DLG2: variants seen among roughly 807,000 people sequenced by gnomAD.
DLG2 encodes discs large MAGUK scaffold protein 2, also known as disks large homolog 2.
In DLG2, 45 loss-of-function variants were observed where a neutral mutation model predicts 132.5. The observed-to-expected ratio is 0.34, with a 90% confidence interval of 0.27 to 0.44. The LOEUF (loss-of-function observed/expected upper bound fraction) is 0.44, where lower values mean the gene tolerates loss of function less well. Ranked by LOEUF, DLG2 falls within the 20% of genes least tolerant of loss-of-function variation. The pLI, the probability that DLG2 is intolerant of heterozygous loss-of-function variation, is 1.00. For missense variants in DLG2, 1,045 were observed against 1,196.9 expected (o/e 0.87, Z 1.87); for synonymous variants, 424 against 419.6 (o/e 1.01, Z -0.13).
intron 5 of DLG2, among the ~76,000 whole-genome samples, chr11:85,152,583 C>T (rs570676127): frequency 2.0e-5 from 3 of 152,294 alleles, no homozygotes; most frequent in African/African-American, 7.2e-5. Flanking sequence ...CCGCACCCAG[C>T]TCCACAAATT....
intron 3 of DLG2, among the ~76,000 whole-genome samples, chr11:85,342,949 CT>C (rs11314838): frequency 0.046 from 7,072 of 152,166 alleles, 214 homozygotes; most frequent in East Asian, 0.095. Context: ...ATCTAATGCA[CT>C]TTTTTTATCT....
rs1394161648 is a variant in DLG2, at chr11:84,349,718, TAGA to T, written c.520-98430_520-98428del. On this transcript the variant is annotated intron_variant, in intron 7 of 27. Transcript: ENST00000376104. The stretch of plus-strand genomic sequence containing the variant: ...TAACAAAAGGCCCTACTAATTGTTG[TAGA>T]AGAAGAAATACTTATCAACAAATAT... Among the ~76,000 whole-genome samples the T allele has an allele frequency of 3.3e-5, 5 of 152,294 alleles. No homozygotes were observed. The East Asian group carries it at 7.7e-4, about 24-fold the overall frequency.
At chr11:83,467,866 TTAAA>T (rs1386276251) in intron 25 of DLG2, among the ~76,000 whole-genome samples, 1 of 123,996 alleles carries the variant, frequency 8.1e-6, no homozygotes, top group Non-Finnish European at 1.7e-5. Flanking sequence ...TATATATAAA[TTAAA>T]TGCGGGTTAA....
At chr11:85,183,001 C>T (rs1021294075) in intron 4 of DLG2, among the ~76,000 whole-genome samples, 2 of 151,590 alleles carry the variant, frequency 1.3e-5, no homozygotes, top group African/African-American at 4.8e-5. Context: ...AGAGAAAGAA[C>T]AAGATCACAG....
intron 6 of DLG2, among the ~76,000 whole-genome samples, chr11:84,609,441 A>ATTCT (rs1243539680): frequency 1.3e-5 from 2 of 152,140 alleles, no homozygotes; most frequent in African/African-American, 2.4e-5. Context: ...AAGCACCGTA[A>ATTCT]TTCTCGCAGT....
At chr11:84,934,920 C>T (rs999270027) in intron 6 of DLG2, among the ~76,000 whole-genome samples, 1 of 152,062 alleles carries the variant, frequency 6.6e-6, no homozygotes, top group African/African-American at 2.4e-5. Context: ...TCTCTGAGCT[C>T]CAGACCCATT....
In DLG2 at chr11:84,407,326, T is replaced by C. The variant is rs542508008; in HGVS notation, c.519+127244A>G. 3.3e-5 allele frequency among the ~76,000 whole-genome samples: 5 copies of C among 152,160 alleles called. No homozygotes were observed. The East Asian group carries it at 5.8e-4, about 18-fold the overall frequency. On this transcript the variant is annotated intron_variant, in intron 7 of 27. Transcript: ENST00000376104. ...GCTAATCCCTGACAGACTTCCATGATTCTGACTTCTGAGCATTACATGCTC... is the reference window on the plus strand; with the variant it reads ...GCTAATCCCTGACAGACTTCCATGACTCTGACTTCTGAGCATTACATGCTC...
chr11:85,458,054 T>G (rs1336064360), intron 3 of DLG2, among the ~76,000 whole-genome samples: 1 of 152,244 alleles, frequency 6.6e-6, no homozygotes, highest in African/African-American at 2.4e-5. Context: ...TTTCTCTCCA[T>G]CTCTTTCAGG....
chr11:84,815,030 G>C (rs2076952538), intron 6 of DLG2, among the ~76,000 whole-genome samples: 1 of 152,074 alleles, frequency 6.6e-6, no homozygotes, highest in Non-Finnish European at 1.5e-5. Flanking sequence ...AGGAAGAGGA[G>C]CATTAGGGAA....
chr11:85,119,098 T>G (rs1160547235), intron 5 of DLG2, among the ~76,000 whole-genome samples: 1 of 151,944 alleles, frequency 6.6e-6, no homozygotes, highest in African/African-American at 2.4e-5. Context: ...GAAAATTAAA[T>G]GAGAAAAAGT....
intron 20 of DLG2, among the ~76,000 whole-genome samples, chr11:83,535,946 C>T (rs1200942067): frequency 6.6e-6 from 1 of 152,168 alleles, no homozygotes; most frequent in Non-Finnish European, 1.5e-5. Flanking sequence ...AGAGCCTGAA[C>T]ATACATTCTC....
At chr11:84,386,512 T>C (rs2098770856) in intron 7 of DLG2, among the ~76,000 whole-genome samples, 1 of 152,124 alleles carries the variant, frequency 6.6e-6, no homozygotes, top group Non-Finnish European at 1.5e-5. Context: ...CAGCTAAATA[T>C]TTACTTCTAT....
chr11:83,478,498 T>C (rs2092810097), intron 22 of DLG2, among the ~76,000 whole-genome samples: 1 of 152,098 alleles, frequency 6.6e-6, no homozygotes, highest in African/African-American at 2.4e-5. Flanking sequence ...TAAAAATAAT[T>C]ATTGATGTCA....
At chr11:84,031,990 C>A (rs1216878479) in intron 11 of DLG2, among the ~76,000 whole-genome samples, 1 of 152,058 alleles carries the variant, frequency 6.6e-6, no homozygotes, top group Non-Finnish European at 1.5e-5. Flanking sequence ...TGGGGTGCCA[C>A]AGAATATGCC....
chr11:85,451,437 C>A (rs2092239689), intron 3 of DLG2, among the ~76,000 whole-genome samples: 1 of 152,132 alleles, frequency 6.6e-6, no homozygotes, highest in Admixed American at 6.6e-5. Flanking sequence ...AAATATTAAA[C>A]TGGCTCATGC....
intron 7 of DLG2, among the ~76,000 whole-genome samples, chr11:84,477,175 C>T (rs1391170367): frequency 6.6e-6 from 1 of 152,004 alleles, no homozygotes; most frequent in Admixed American, 6.6e-5. Flanking sequence ...TGACCAATAT[C>T]TCTTTTTGTC....
intron 6 of DLG2, among the ~76,000 whole-genome samples, chr11:85,065,960 T>C (rs1384613380): frequency 6.6e-6 from 1 of 151,276 alleles, no homozygotes; most frequent in Non-Finnish European, 1.5e-5. Context: ...AGAATAAAGA[T>C]CAGAGCAGAA....
intron 18 of DLG2, among the ~76,000 whole-genome samples, chr11:83,660,556 C>T (rs568286663): frequency 6.6e-6 from 1 of 152,178 alleles, no homozygotes; most frequent in African/African-American, 2.4e-5. Context: ...ATGGATGGTC[C>T]CATGTTTCTT....
chr11:84,908,749 G>T (rs1300422068), intron 6 of DLG2, among the ~76,000 whole-genome samples: 1 of 151,596 alleles, frequency 6.6e-6, no homozygotes, highest in Non-Finnish European at 1.5e-5. Context: ...TGGAGGGCTT[G>T]TAAGATGGGA....
Sources: gnomAD v4.1 joint callset for allele counts (sites outside exome capture counted in the v4.1 genomes callset) on GRCh38, gnomAD v4.1.1 for gene constraint, MANE v1.5 for transcripts, NCBI Gene and HGNC (gene_info 2026-07-23, HGNC 2026-07-21) for gene names.